Variants in DMD observed in about 807,000 individuals in gnomAD.
DMD encodes dystrophin.
In DMD, 63 loss-of-function variants were observed where a neutral mutation model predicts 330.1. The ratio of observed to expected loss-of-function variants is 0.19; its 90% CI spans 0.16 to 0.24. The LOEUF (loss-of-function observed/expected upper bound fraction) is 0.24, where lower values mean the gene tolerates loss of function less well. Ranked by LOEUF, DMD falls within the 10% of genes least tolerant of loss-of-function variation. The pLI, the probability that DMD is intolerant of heterozygous loss-of-function variation, is 1.00. For missense variants in DMD, 3,344 were observed against 2,684.1 expected (o/e 1.25, Z -5.43); for synonymous variants, 1,223 against 959.8 (o/e 1.27, Z -5.07).
At chrX:32,911,516 A>G (rs1289703381) in intron 2 of DMD, among the ~76,000 whole-genome samples, 1 of 112,359 alleles carries the variant, frequency 8.9e-6, no homozygotes, top group Non-Finnish European at 1.9e-5. Context: ...GCCTTAAAGG[A>G]ATATACATTT....
chrX:31,258,407 G>A (rs1314978065), intron 63 of DMD, among the ~76,000 whole-genome samples: 1 of 112,654 alleles, frequency 8.9e-6, no homozygotes, highest in Non-Finnish European at 1.9e-5. Context: ...AAAGCCCAAC[G>A]AATGTTTGAT....
intron 13 of DMD, among the ~76,000 whole-genome samples, chrX:32,583,935 A>G (rs1050238804): frequency 3.6e-5 from 4 of 111,581 alleles, no homozygotes; most frequent in African/African-American, 1.3e-4. Context: ...AGTACACTAA[A>G]CATAACAGAA....
At chrX:33,073,586 T>C (rs975801637) in intron 1 of DMD, among the ~76,000 whole-genome samples, 26 of 111,183 alleles carry the variant, frequency 2.3e-4, no homozygotes, top group African/African-American at 8.2e-4. Context: ...ATCCCAGCAC[T>C]TTGGGAGGCT....
At chrX:31,521,198 G>A (rs753026125) in intron 55 of DMD, among the ~76,000 whole-genome samples, 6 of 105,387 alleles carry the variant, frequency 5.7e-5, no homozygotes, top group African/African-American at 2.1e-4. Context: ...TGCTCTTGTC[G>A]CCCAGGCTGG....
chrX:32,229,195 C>A (rs758382378), intron 43 of DMD, among the ~76,000 whole-genome samples: 1 of 110,744 alleles, frequency 9.0e-6, no homozygotes, highest in Non-Finnish European at 1.9e-5. Context: ...GGAAATAAAT[C>A]ATGTTGTTAT....
At chrX:31,223,949 TAAC>T (rs2147083116) in intron 63 of DMD, among the ~76,000 whole-genome samples, 1 of 112,478 alleles carries the variant, frequency 8.9e-6, no homozygotes, top group East Asian at 2.8e-4. Context: ...CAGCACAGAA[TAAC>T]AACAATATAT....
chrX:32,411,336 G>A (rs1399861317), intron 30 of DMD, among the ~76,000 whole-genome samples: 4 of 110,339 alleles, frequency 3.6e-5, no homozygotes, highest in Non-Finnish European at 7.6e-5. Flanking sequence ...TCACCATGTT[G>A]GCCAGGCTGG....
chrX:31,855,561 G>A (rs906285611), intron 48 of DMD, among the ~76,000 whole-genome samples: 1 of 111,645 alleles, frequency 9.0e-6, no homozygotes, highest in African/African-American at 3.2e-5. Flanking sequence ...ATTCAATTCT[G>A]ACTTCATGAC....
intron 44 of DMD, among the ~76,000 whole-genome samples, chrX:32,081,021 C>G (rs773812074): frequency 4.5e-5 from 5 of 112,085 alleles, no homozygotes; most frequent in Non-Finnish European, 9.4e-5. Flanking sequence ...GACAAATGCT[C>G]TGTGATCCTT....
At chrX:32,418,958 G>A (rs2098177489) in intron 29 of DMD, among the ~76,000 whole-genome samples, 2 of 59,209 alleles carry the variant, frequency 3.4e-5, no homozygotes, top group South Asian at 2.0e-3. Context: ...GGGTGACAGA[G>A]TGAGACTCTG....
chrX:31,582,488 C>T (rs756181428), intron 55 of DMD, among the ~76,000 whole-genome samples: 3 of 111,725 alleles, frequency 2.7e-5, no homozygotes, highest in Non-Finnish European at 5.6e-5. Context: ...ATGGGGGTGA[C>T]GGCATCAGCC....
At chrX:32,011,853 C>G (rs771981717) in intron 44 of DMD, among the ~76,000 whole-genome samples, 1 of 111,896 alleles carries the variant, frequency 8.9e-6, no homozygotes, top group Non-Finnish European at 1.9e-5. Flanking sequence ...CTATTAAACT[C>G]CCTCCCTTGG....
chrX:32,929,119 T>G (rs749347707), intron 2 of DMD, among the ~76,000 whole-genome samples: 54 of 111,184 alleles, frequency 4.9e-4, no homozygotes, highest in Non-Finnish European at 9.1e-4. Context: ...GAAAGAGTCA[T>G]GAAGAGCTGG....
intron 1 of DMD, among the ~76,000 whole-genome samples, chrX:33,031,069 T>A (rs998766744): frequency 1.3e-4 from 15 of 111,246 alleles, no homozygotes; most frequent in Admixed American, 4.8e-4. Context: ...CATCCCTTAT[T>A]TCACCGAGCC....
chrX:32,463,456 C>T lies in DMD; in HGVS notation c.3415G>A (p.Asp1139Asn), dbSNP rs1464988987. The T allele has an allele frequency of 4.1e-6, 5 of 1,207,544 alleles. No individual in the cohort carries two copies. Among genetic ancestry groups the T allele is most frequent in the Admixed American group, 4.4e-5 (2 of 45,686 alleles). The change falls in exon 25 of 79, where the codon GAT (aspartate) becomes AAT (asparagine). Residue 1139 changes from aspartate to asparagine, a missense_variant. Coordinates refer to ENST00000357033, the MANE Select transcript of DMD (RefSeq NM_004006.3). ...GTCTATACCTGTTGGCACATGTGAT[C>T]CCACTGAGTGTTAAGTTCTTTGAGT... ...TELKELNTQW[D>N]HMCQQVYARK... is the part of the protein sequence containing the mutation.
intron 44 of DMD, among the ~76,000 whole-genome samples, chrX:32,084,735 AG>A (rs989467131): frequency 1.8e-5 from 2 of 111,470 alleles, no homozygotes; most frequent in African/African-American, 6.5e-5. Flanking sequence ...CTATCTAATG[AG>A]GACAACAGAC....
At chrX:31,976,416 A>C (rs1269094130) in intron 44 of DMD, among the ~76,000 whole-genome samples, 1 of 111,024 alleles carries the variant, frequency 9.0e-6, no homozygotes, top group Admixed American at 9.6e-5. Flanking sequence ...TTTTATTGAA[A>C]CGATTCTGGG....
chrX:31,688,446 A>G (rs2148795657), intron 52 of DMD, among the ~76,000 whole-genome samples: 1 of 112,001 alleles, frequency 8.9e-6, no homozygotes, highest in Non-Finnish European at 1.9e-5. Flanking sequence ...GAATAGACCA[A>G]TAACAGGCTC....
At chrX:31,603,763 G>C (rs527298167) in intron 55 of DMD, among the ~76,000 whole-genome samples, 99 of 111,955 alleles carry the variant, frequency 8.8e-4, no homozygotes, top group African/African-American at 2.8e-3. Context: ...TATTACCTAT[G>C]TTTCCAGAGT....
Sources: allele counts gnomAD v4.1 joint callset (sites outside exome capture counted in the v4.1 genomes callset), GRCh38; gene constraint gnomAD v4.1.1; transcripts MANE v1.5; gene names NCBI Gene and HGNC (gene_info 2026-07-23, HGNC 2026-07-21).